The following NFATC2 variants were observed in gnomAD, a reference collection of about 807,000 sequenced individuals.
NFATC2 encodes nuclear factor of activated T-cells, cytoplasmic 2.
In NFATC2, 22 loss-of-function variants were observed where a neutral mutation model predicts 87.3. That is an observed-to-expected ratio of 0.25 (90% CI 0.18 to 0.36). NFATC2 has a LOEUF of 0.36. Among genes scored for constraint, NFATC2 ranks in the 10% least tolerant of loss-of-function variants. NFATC2 has a pLI of 1.00. For synonymous variants in NFATC2, 565 were observed against 542.2 expected, an observed-to-expected ratio of 1.04 and a Z score of -0.58; for missense variants, 1,149 against 1,259.1, an observed-to-expected ratio of 0.91 and a Z score of 1.32.
intron 5 of NFATC2, among the ~76,000 whole-genome samples, chr20:51,462,705 A>T (rs936993589): frequency 6.6e-6 from 1 of 152,134 alleles, no homozygotes; most frequent in Admixed American, 6.5e-5. Context: ...GAGCTAATCC[A>T]TGGGCCTGCG....
intron 3 of NFATC2, among the ~76,000 whole-genome samples, chr20:51,491,614 GT>G (rs1320117832): frequency 6.6e-6 from 1 of 152,120 alleles, no homozygotes; most frequent in African/African-American, 2.4e-5. Flanking sequence ...CCTCCGCCAT[GT>G]GGATACACGG....
chr20:51,421,658 G>A (rs1280391689), intron 9 of NFATC2, among the ~76,000 whole-genome samples: 2 of 152,240 alleles, frequency 1.3e-5, no homozygotes, highest in Middle Eastern at 3.2e-3. Flanking sequence ...CCATGCAGGA[G>A]GTGGGGCCCA....
rs527873624 is a variant in NFATC2, at chr20:51,481,837, T to G, written c.1333-6177A>C. On this transcript the variant is annotated intron_variant, in intron 3 of 10. Coordinates refer to ENST00000371564, the MANE Select transcript of NFATC2 (RefSeq NM_012340.5). Reference sequence around the variant, plus strand: ...GCTATATAAATGACGCCATCCAACCTCATCACAAGGAAAACTTTGCACCCT... The same window carrying G: ...GCTATATAAATGACGCCATCCAACCGCATCACAAGGAAAACTTTGCACCCT... Among the ~76,000 whole-genome samples the G allele has an allele frequency of 3.3e-5, 5 of 152,274 alleles. No homozygotes were observed. In the South Asian group the frequency reaches 6.2e-4, roughly 19 times the overall value.
At chr20:51,401,407 C>A (rs1436389736) in intron 9 of NFATC2, among the ~76,000 whole-genome samples, 1 of 152,040 alleles carries the variant, frequency 6.6e-6, no homozygotes, top group Non-Finnish European at 1.5e-5. Context: ...CAATATGGTC[C>A]CCTAAAGAAG....
rs752969683 is a variant in NFATC2, at chr20:51,442,891, G to A, written c.1850-7130C>T. ...GACCATGTATGCCTTCCAGCCCTCC[G>A]GGGCCCCCAAACAGGGAGGCAGGGC... On this transcript the variant is annotated intron_variant, in intron 6 of 10. Transcript: ENST00000371564. 3.8e-4 allele frequency among the ~76,000 whole-genome samples: 58 copies of A among 151,906 alleles called. 1 individual carries two copies. The highest frequency in any genetic ancestry group is 1.5e-4 in the Non-Finnish European group (10 of 67,972).
intron 1 of NFATC2, among the ~76,000 whole-genome samples, chr20:51,550,318 G>T (rs1172419620): frequency 6.6e-6 from 1 of 152,156 alleles, no homozygotes; most frequent in Non-Finnish European, 1.5e-5. Context: ...CAAGCACGGT[G>T]GCTCATGCAA....
intron 3 of NFATC2, among the ~76,000 whole-genome samples, chr20:51,502,647 T>C (rs542345793): frequency 1.3e-5 from 2 of 152,268 alleles, no homozygotes; most frequent in African/African-American, 4.8e-5. Context: ...TGCTGTATCA[T>C]TTTCTGATGG....
chr20:51,529,399 A>G (rs1474944500), intron 1 of NFATC2, among the ~76,000 whole-genome samples: 4 of 152,064 alleles, frequency 2.6e-5, no homozygotes, highest in Non-Finnish European at 5.9e-5. Context: ...AATGTTTACC[A>G]GCAAGCAGGG....
chr20:51,398,148 G>C (rs567111317), intron 10 of NFATC2, among the ~76,000 whole-genome samples: 1 of 150,106 alleles, frequency 6.7e-6, no homozygotes, highest in East Asian at 2.0e-4. Context: ...GAAGCCCCCC[G>C]GGAGGAGCTG....
In NFATC2 at chr20:51,461,025, G is replaced by A. The variant is rs369940911; in HGVS notation, c.1709-6337C>T. ...GTTCCACACTTAAGAGGCCACCTGA[G>A]GACGGGGAACTCCTCCAGGGCAGGC... On this transcript the variant is annotated intron_variant, in intron 5 of 10. Transcript: ENST00000371564. Among the ~76,000 whole-genome samples the A allele has an allele frequency of 1.1e-4, 17 of 152,344 alleles. No homozygotes were observed. In the East Asian group the frequency reaches 1.2e-3, roughly 10 times the overall value.
rs998627457 is a variant in NFATC2 at position 51,416,878 on chromosome 20, A to G, written c.2722+15189T>C. Among the ~76,000 whole-genome samples the G allele has an allele frequency of 2.6e-5, 4 of 152,250 alleles. 1 individual carries two copies. On this transcript the variant is annotated intron_variant, in intron 9 of 10. Transcript: ENST00000371564. ...CAGAGGGACAGTAGGGGCAGTAGCA[A>G]GAATTCACTTTAGCGCTGGTTGAAT...
chr20:51,491,183 A>G (rs1052153201), intron 3 of NFATC2, among the ~76,000 whole-genome samples: 9 of 152,004 alleles, frequency 5.9e-5, no homozygotes, highest in Non-Finnish European at 1.3e-4. Context: ...CCAGGGCACA[A>G]ATTTTTAACC....
intron 3 of NFATC2, among the ~76,000 whole-genome samples, chr20:51,495,529 G>A (rs2075974468): frequency 6.6e-6 from 1 of 152,206 alleles, no homozygotes; most frequent in Admixed American, 6.5e-5. Context: ...TGTGAGTACA[G>A]ACAGATCATC....
At chr20:51,392,596 C>G (rs1273826520) in intron 10 of NFATC2, among the ~76,000 whole-genome samples, 1 of 152,224 alleles carries the variant, frequency 6.6e-6, no homozygotes, top group African/African-American at 2.4e-5. Context: ...ACCATACTGA[C>G]TAGTCGTGGG....
intron 6 of NFATC2, among the ~76,000 whole-genome samples, chr20:51,446,436 C>T (rs1490970235): frequency 2.0e-5 from 3 of 152,158 alleles, no homozygotes; most frequent in African/African-American, 7.2e-5. Context: ...TCCCAAGGTA[C>T]ATAGTGTGAG....
rs761646968 is a variant in NFATC2 at position 51,432,485 on chromosome 20, C to T, written c.2304G>A (p.Pro768=). The T allele has an allele frequency of 8.4e-6, 13 of 1,554,166 alleles. No homozygotes were observed. Among genetic ancestry groups the T allele is most frequent in the East Asian group, 4.5e-5 (2 of 44,310 alleles). The change falls in exon 9 of 11, where the codon CCG becomes CCA. Residue 768 remains proline, a synonymous_variant. Transcript: ENST00000371564. This position sits in a 1 kb window ranked among gnomAD's most constrained non-coding sequence, Gnocchi z 4.6. ...GGGACAGCGGGGCGGCCATGAGGGC[C>T]GGCTGCTGATAGCCCAGCAGGCTGG... ...LSPSLLGYQQ[P]ALMAAPLSLA...
At chr20:51,414,833 T>C (rs1424180431) in intron 9 of NFATC2, among the ~76,000 whole-genome samples, 3 of 152,166 alleles carry the variant, frequency 2.0e-5, no homozygotes, top group Non-Finnish European at 4.4e-5. Flanking sequence ...TGATCATGCA[T>C]ACACACAGCC....
chr20:51,418,659 G>GTTTTTT (rs752511466), intron 9 of NFATC2, among the ~76,000 whole-genome samples: 7 of 125,104 alleles, frequency 5.6e-5, no homozygotes, highest in East Asian at 2.3e-4. Context: ...TGTTTGTTTG[G>GTTTTTT]TTTTTTTTTT....
intron 1 of NFATC2, among the ~76,000 whole-genome samples, chr20:51,540,889 C>G (rs7272453): frequency 6.6e-6 from 1 of 152,054 alleles, no homozygotes; most frequent in South Asian, 2.1e-4. Context: ...AAAAACATGA[C>G]TTTAATCTTA....
Sources: allele counts gnomAD v4.1 joint callset (sites outside exome capture counted in the v4.1 genomes callset), GRCh38; gene constraint gnomAD v4.1.1; non-coding constraint Gnocchi (gnomAD v3.1); transcripts MANE v1.5; gene names NCBI Gene and HGNC (gene_info 2026-07-23, HGNC 2026-07-21).